The following SEZ6L variants were observed in gnomAD, a reference collection of about 807,000 sequenced individuals.
SEZ6L encodes seizure 6-like protein.
SEZ6L carries 37 observed loss-of-function variants against 106.2 expected under a neutral mutation model. That is an observed-to-expected ratio of 0.35 (90% CI 0.27 to 0.46). The LOEUF (loss-of-function observed/expected upper bound fraction) is 0.46, where lower values mean the gene tolerates loss of function less well. Ranked by LOEUF, SEZ6L falls within the 20% of genes least tolerant of loss-of-function variation. SEZ6L has a pLI of 1.00. For missense variants in SEZ6L, 1,172 were observed against 1,332.8 expected, an observed-to-expected ratio of 0.88 and a Z score of 1.88; for synonymous variants, 541 against 570.4, an observed-to-expected ratio of 0.95 and a Z score of 0.73.
chr22:26,251,866 C>T (rs1435442236), intron 1 of SEZ6L, among the ~76,000 whole-genome samples: 2 of 152,174 alleles, frequency 1.3e-5, no homozygotes, highest in African/African-American at 2.4e-5. Context: ...GCCACTCATC[C>T]CCCTGGAAGT....
chr22:26,338,404 GT>G (rs1233316432), intron 9 of SEZ6L, among the ~76,000 whole-genome samples: 1 of 152,032 alleles, frequency 6.6e-6, no homozygotes, highest in Non-Finnish European at 1.5e-5. Flanking sequence ...CTTTTGTTTT[GT>G]TTTGTTTTGT....
In SEZ6L at chr22:26,169,743, C is replaced by T; in HGVS notation, c.74C>T (p.Pro25Leu). The T allele has an allele frequency of 2.4e-6, 3 of 1,261,286 alleles. No individual in the cohort carries two copies. The highest frequency in any genetic ancestry group is 3.1e-5 in the East Asian group (1 of 31,750). The allele number at this position is 1,261,286 out of a possible 1,614,324, so 78.1% of individuals were successfully genotyped here. A position where few individuals can be genotyped will look rare whatever the true frequency, so the allele number is the denominator to read the frequency against. ...TTCCTCGCTCTGCTCCTGGGGAGCC[C>T]GGCGGCAGCGCTGGAGCGAGGTAAG... Reference protein sequence around the residue: ...SLFLALLLGSPAAALERDALP... With the variant: ...SLFLALLLGSLAAALERDALP... Residue 25 changes from proline (P) to leucine (L), a missense_variant, in exon 1 of 17, where the codon CCG becomes CTG. This residue lies in a region of SEZ6L where 494 missense variants were observed against 445.8 expected (regional missense o/e 1.11). Coordinates refer to ENST00000248933, the MANE Select transcript of SEZ6L (RefSeq NM_021115.5).
intron 1 of SEZ6L, among the ~76,000 whole-genome samples, chr22:26,176,267 G>A (rs971607526): frequency 2.6e-5 from 4 of 152,206 alleles, no homozygotes; most frequent in Non-Finnish European, 4.4e-5. Flanking sequence ...CAAAGCCCAC[G>A]CTTGTTCTAA....
chr22:26,169,882 T>A, intron 1 of SEZ6L, 119 bp downstream of exon 1: 1 of 434,254 alleles, frequency 2.3e-6, no homozygotes, highest in Non-Finnish European at 3.8e-6. Flanking sequence ...GAAGCGGTGG[T>A]GGCTGTCCAA....
intron 1 of SEZ6L, among the ~76,000 whole-genome samples, chr22:26,190,829 G>T (rs2049989): frequency 0.26 from 39,194 of 152,020 alleles, 5,520 homozygotes; most frequent in African/African-American, 0.35. Flanking sequence ...TTTTTTTCCT[G>T]CCATGTCTCA....
chr22:26,327,684 C>G (rs1168835432), intron 9 of SEZ6L, among the ~76,000 whole-genome samples: 1 of 151,078 alleles, frequency 6.6e-6, no homozygotes, highest in Non-Finnish European at 1.5e-5. Flanking sequence ...ACTACACACA[C>G]CACACACACC....
At chr22:26,248,169 C>T (rs895356715) in intron 1 of SEZ6L, among the ~76,000 whole-genome samples, 1 of 152,182 alleles carries the variant, frequency 6.6e-6, no homozygotes, top group Non-Finnish European at 1.5e-5. Flanking sequence ...CCAGGTAGTT[C>T]GTAGAAGTCA....
chr22:26,175,831 C>G (rs1601951528), intron 1 of SEZ6L, among the ~76,000 whole-genome samples: 5 of 152,322 alleles, frequency 3.3e-5, no homozygotes, highest in Admixed American at 3.3e-4. Context: ...ATTTTTCCTT[C>G]TGTAAAATGG....
chr22:26,198,028 A>G (rs1374331238), intron 1 of SEZ6L, among the ~76,000 whole-genome samples: 1 of 152,202 alleles, frequency 6.6e-6, no homozygotes, highest in East Asian at 1.9e-4. Flanking sequence ...AAACTTATAG[A>G]TGGACTGGGG....
At chr22:26,228,233 T>C (rs2078692560) in intron 1 of SEZ6L, among the ~76,000 whole-genome samples, 1 of 151,888 alleles carries the variant, frequency 6.6e-6, no homozygotes, top group African/African-American at 2.4e-5. Flanking sequence ...AGCTAGAAAA[T>C]GAAAGGAGTA....
At chr22:26,221,197 T>G (rs1437299229) in intron 1 of SEZ6L, among the ~76,000 whole-genome samples, 1 of 152,124 alleles carries the variant, frequency 6.6e-6, no homozygotes, top group African/African-American at 2.4e-5. Flanking sequence ...TCACCTGACC[T>G]TCCCTTCATC....
chr22:26,314,244 T>G (rs955105776), intron 9 of SEZ6L, among the ~76,000 whole-genome samples: 12 of 152,322 alleles, frequency 7.9e-5, no homozygotes, highest in African/African-American at 2.6e-4. Context: ...GCTATGAGAT[T>G]CTTTAACTGG....
intron 9 of SEZ6L, among the ~76,000 whole-genome samples, chr22:26,323,235 G>C (rs2082207769): frequency 1.3e-5 from 2 of 152,194 alleles, no homozygotes. Flanking sequence ...GCCTCAGGCA[G>C]ATTATTGAAG....
At chr22:26,371,844 C>A (rs749481070) in intron 13 of SEZ6L, among the ~76,000 whole-genome samples, 1 of 152,170 alleles carries the variant, frequency 6.6e-6, no homozygotes, top group African/African-American at 2.4e-5. Flanking sequence ...ACCCCTGCAC[C>A]TTTCTTCCCT....
chr22:26,284,960 T>C (rs2080889480), intron 1 of SEZ6L, among the ~76,000 whole-genome samples: 1 of 152,100 alleles, frequency 6.6e-6, no homozygotes, highest in Non-Finnish European at 1.5e-5. Flanking sequence ...CTTTACAGTA[T>C]TGTTTGGAGA....
At chr22:26,370,460 A>G (rs532716770) in intron 13 of SEZ6L, among the ~76,000 whole-genome samples, 13 of 152,304 alleles carry the variant, frequency 8.5e-5, no homozygotes, top group Admixed American at 2.6e-4. Flanking sequence ...ACGTGTTTGT[A>G]TCTGCCACGG....
At chr22:26,218,789 TA>T (rs1375897550) in intron 1 of SEZ6L, among the ~76,000 whole-genome samples, 2 of 152,036 alleles carry the variant, frequency 1.3e-5, no homozygotes, top group Non-Finnish European at 2.9e-5. Flanking sequence ...ATACAAAAAT[TA>T]GCCAGGTGTA....
At chr22:26,315,941 G>C (rs1039953057) in intron 9 of SEZ6L, among the ~76,000 whole-genome samples, 1 of 151,910 alleles carries the variant, frequency 6.6e-6, no homozygotes, top group Non-Finnish European at 1.5e-5. Flanking sequence ...TGTAGTCCCA[G>C]CTACTTGGGA....
intron 15 of SEZ6L, 112 bp downstream of exon 15, chr22:26,375,801 G>A: frequency 1.4e-6 from 1 of 695,518 alleles, no homozygotes; most frequent in South Asian, 1.9e-5. Flanking sequence ...CTCGGGCATA[G>A]TGGCATTTGT....
Sources: gnomAD v4.1 joint callset for allele counts (sites outside exome capture counted in the v4.1 genomes callset) on GRCh38, gnomAD v4.1.1 for gene constraint, gnomAD v4.1.1 regional missense constraint, MANE v1.5 for transcripts, NCBI Gene and HGNC (gene_info 2026-07-23, HGNC 2026-07-21) for gene names.